The following ULK4 variants were observed in gnomAD, a reference collection of about 807,000 sequenced individuals.
ULK4 encodes unc-51 like kinase 4.
Under a neutral mutation model 160.6 loss-of-function variants are expected in ULK4, and 133 were observed. That is an observed-to-expected ratio of 0.83 (90% CI 0.72 to 0.96). The LOEUF is 0.96. Ranked by LOEUF, ULK4 falls within the 40% of genes least tolerant of loss-of-function variation. The pLI, the probability that ULK4 is intolerant of heterozygous loss-of-function variation, is 0.00. For synonymous variants in ULK4, 534 were observed against 539.8 expected (o/e 0.99, Z 0.15); for missense variants, 1,580 against 1,499.5 (o/e 1.05, Z -0.89).
chr3:41,600,204 C>T (rs2031971067), intron 31 of ULK4, among the ~76,000 whole-genome samples: 1 of 152,190 alleles, frequency 6.6e-6, no homozygotes, highest in African/African-American at 2.4e-5. Context: ...CTCCTCCTTA[C>T]CTACTCACTC....
intron 32 of ULK4, among the ~76,000 whole-genome samples, chr3:41,506,767 A>AAAAAAAAAAAAATATATAAATAAAT: frequency 1.8e-5 from 1 of 56,766 alleles, no homozygotes; most frequent in Non-Finnish European, 3.1e-5. Context: ...TGTGATTTAA[A>AAAAAAAAAAAAATATATAAATAAAT]ATATATATAT....
At chr3:41,771,315 C>G (rs534254857) in intron 21 of ULK4, among the ~76,000 whole-genome samples, 1 of 152,218 alleles carries the variant, frequency 6.6e-6, no homozygotes, top group Middle Eastern at 3.4e-3. Flanking sequence ...TATTCTGGAA[C>G]TTTCTGTAAA....
rs115821984 is a variant in ULK4 at position 41,952,783 on chromosome 3, T to G, written c.138+1839A>C. On this transcript the variant is annotated intron_variant, in intron 2 of 36. Transcript: ENST00000301831. ...ATCCACATATTCATAGCACCATTGT[T>G]CACAATAGTTAAAACACGGAAGCAA... 5.2e-3 allele frequency among the ~76,000 whole-genome samples: 796 copies of G among 152,322 alleles called. 6 individuals carry two copies. Among genetic ancestry groups the G allele is most frequent in the African/African-American group, 0.018 (744 of 41,570 alleles).
At chr3:41,813,508 T>C (rs1312536117) in intron 19 of ULK4, among the ~76,000 whole-genome samples, 2 of 152,218 alleles carry the variant, frequency 1.3e-5, no homozygotes, top group Non-Finnish European at 2.9e-5. Context: ...AAATAATTTA[T>C]ACATTTAATT....
intron 32 of ULK4, among the ~76,000 whole-genome samples, chr3:41,542,737 G>T (rs536952995): frequency 3.3e-5 from 5 of 152,110 alleles, no homozygotes; most frequent in Admixed American, 2.6e-4. Context: ...CTTCTTCCTG[G>T]TTTCGACTTG....
intron 32 of ULK4, among the ~76,000 whole-genome samples, chr3:41,542,741 C>G (rs556109393): frequency 1.3e-5 from 2 of 151,986 alleles, no homozygotes; most frequent in Non-Finnish European, 2.9e-5. Flanking sequence ...TTCCTGGTTT[C>G]GACTTGGGAG....
At chr3:41,836,778 C>T (rs1359686067) in intron 17 of ULK4, among the ~76,000 whole-genome samples, 2 of 152,140 alleles carry the variant, frequency 1.3e-5, no homozygotes, top group African/African-American at 4.8e-5. Flanking sequence ...AACTCGACAG[C>T]ATGTTTTATC....
At chr3:41,789,987 A>C in intron 20 of ULK4, 144 bp from the exon 21 acceptor site, 1 of 656,410 alleles carries the variant, frequency 1.5e-6, no homozygotes, top group Non-Finnish European at 2.2e-6. Flanking sequence ...GAAAGTTGGC[A>C]ATTTTCAACA....
intron 2 of ULK4, among the ~76,000 whole-genome samples, chr3:41,950,506 G>A (rs529675269): frequency 6.6e-6 from 1 of 152,004 alleles, no homozygotes; most frequent in Non-Finnish European, 1.5e-5. Context: ...GCCTCCAAAA[G>A]TACTGGGATT....
intron 30 of ULK4, among the ~76,000 whole-genome samples, chr3:41,657,656 A>G (rs2125750856): frequency 6.6e-6 from 1 of 151,990 alleles, no homozygotes; most frequent in South Asian, 2.1e-4. Flanking sequence ...CATCTCTACT[A>G]AAAATACAAA....
chr3:41,780,853 A>G (rs1313688055), intron 21 of ULK4, among the ~76,000 whole-genome samples: 2 of 152,160 alleles, frequency 1.3e-5, no homozygotes, highest in African/African-American at 4.8e-5. Context: ...TAATACAAAT[A>G]ATAGGTTGGT....
At chr3:41,721,222 TA>T (rs1575605883) in intron 22 of ULK4, among the ~76,000 whole-genome samples, 2 of 142,164 alleles carry the variant, frequency 1.4e-5, no homozygotes, top group East Asian at 4.2e-4. Context: ...TAATCCAGGG[TA>T]ATGGAAGCAG....
At chr3:41,926,960 A>G (rs963748919) in intron 5 of ULK4, among the ~76,000 whole-genome samples, 2 of 152,200 alleles carry the variant, frequency 1.3e-5, no homozygotes, top group African/African-American at 2.4e-5. Context: ...CCAACCTAGC[A>G]AGACAGGCCA....
At position 41,911,351 on chromosome 3, in the gene ULK4, C is replaced by G; in HGVS notation, c.1051G>C (p.Glu351Gln). Reference protein sequence around the residue: ...PTEFRPKSTLEGQLNESMFLL... With the variant: ...PTEFRPKSTLQGQLNESMFLL... ...AACATGGATTCATTCAATTGACCCT[C>G]AAGAGTACTCTTAGGCCGAAACTCA... The change falls in exon 11 of 37, where the codon GAG (glutamate) becomes CAG (glutamine). Residue 351 changes from glutamate (E) to glutamine (Q), a missense_variant. Physicochemically the swap from Glu to Gln is conservative, Grantham distance 29. Transcript: ENST00000301831. 6.2e-7 allele frequency: 1 copy of G among 1,614,074 alleles called. No homozygotes were observed. The highest frequency in any genetic ancestry group is 1.1e-5 in the South Asian group (1 of 91,070).
At chr3:41,524,510 A>T (rs529208878) in intron 32 of ULK4, among the ~76,000 whole-genome samples, 1 of 152,198 alleles carries the variant, frequency 6.6e-6, no homozygotes, top group African/African-American at 2.4e-5. Context: ...CACAATCCCT[A>T]AAACTGGCTG....
chr3:41,848,860 T>C (rs1352357874), intron 17 of ULK4, among the ~76,000 whole-genome samples: 1 of 152,152 alleles, frequency 6.6e-6, no homozygotes, highest in East Asian at 1.9e-4. Flanking sequence ...TAAAAAGTAA[T>C]AGATAGTGCT....
At position 41,797,188 on chromosome 3, in the gene ULK4, CA is replaced by C. The variant is rs143259276; in HGVS notation, c.2010+2943del. 6.7e-4 allele frequency among the ~76,000 whole-genome samples: 94 copies of C among 141,320 alleles called. No homozygotes were observed. The East Asian group carries it at 8.7e-3, about 13-fold the overall frequency. 92.7% of individuals were successfully genotyped at this position (141,320 alleles called of 152,430 possible). On this transcript the variant is annotated intron_variant, in intron 20 of 36. Transcript: ENST00000301831. ...TAATTTGCATAGCTCATGATCAATG[CA>C]AAAAAAAAAGGTGTTTACATTTTTA...
chr3:41,857,295 T>C (rs1172323948), intron 17 of ULK4, among the ~76,000 whole-genome samples: 1 of 152,196 alleles, frequency 6.6e-6, no homozygotes. Flanking sequence ...TACTCATTAT[T>C]CTCTTTCTAA....
chr3:41,474,821 T>TAAAAA lies in ULK4; in HGVS notation c.3227-11573_3227-11569dup, dbSNP rs34840621. On this transcript the variant is annotated intron_variant, in intron 32 of 36. Transcript: ENST00000301831. ...TTACATCTGTCAGAATGATTATTAT[T>TAAAAA]AAAAAAAAAAAAAGAAAACAAACAT... Among the ~76,000 whole-genome samples, 347 of 140,844 alleles carry TAAAAA rather than the reference T, an allele frequency of 2.5e-3. 4 individuals carry two copies. The highest frequency in any genetic ancestry group is 8.6e-3 in the African/African-American group (325 of 37,610). 92.4% of individuals were successfully genotyped at this position (140,844 alleles called of 152,430 possible). A position where few individuals can be genotyped will look rare whatever the true frequency, so the allele number is the denominator to read the frequency against.
Sources: gnomAD v4.1 joint callset for allele counts (sites outside exome capture counted in the v4.1 genomes callset) on GRCh38, gnomAD v4.1.1 for gene constraint, MANE v1.5 for transcripts, NCBI Gene and HGNC (gene_info 2026-07-23, HGNC 2026-07-21) for gene names.